The following NAV3 variants were observed in gnomAD, a reference collection of about 807,000 sequenced individuals.
NAV3 encodes neuron navigator 3.
A neutral mutation model predicts 244.7 loss-of-function variants in NAV3; 87 were observed. The observed-to-expected ratio is 0.36, with a 90% CI of 0.30 to 0.42. NAV3 has a LOEUF of 0.42. NAV3 is among the 20% of genes least tolerant of loss of function. The probability of loss-of-function intolerance (pLI) is 1.00; values close to 1 mark genes in which losing one functional copy is unlikely to be tolerated. For missense variants in NAV3, 2,663 were observed against 2,893.3 expected (o/e 0.92, Z 1.83); for synonymous variants, 1,126 against 1,042.2 (o/e 1.08, Z -1.55).
intron 2 of NAV3, among the ~76,000 whole-genome samples, chr12:77,816,238 A>G (rs773956042): frequency 1.2e-4 from 19 of 152,224 alleles, no homozygotes; most frequent in Non-Finnish European, 2.6e-4. Context: ...GGATTAATCC[A>G]TAGTTTCAGA....
At chr12:77,758,466 C>T (rs1040408341) in intron 2 of NAV3, among the ~76,000 whole-genome samples, 2 of 152,084 alleles carry the variant, frequency 1.3e-5, no homozygotes, top group Admixed American at 1.3e-4. Context: ...CATGTTTGGC[C>T]AGAGGAAACA....
intron 1 of NAV3, among the ~76,000 whole-genome samples, chr12:77,840,766 A>T (rs1274668145): frequency 6.6e-6 from 1 of 152,172 alleles, no homozygotes; most frequent in Admixed American, 6.5e-5. Flanking sequence ...TCTCAGAGAG[A>T]TGCTAGGGCA....
At chr12:78,027,684 A>G (rs528939596) in intron 9 of NAV3, among the ~76,000 whole-genome samples, 32 of 152,288 alleles carry the variant, frequency 2.1e-4, no homozygotes, top group African/African-American at 7.5e-4. Flanking sequence ...CAGCCCCTTT[A>G]GCTGCTATGT....
intron 3 of NAV3, among the ~76,000 whole-genome samples, chr12:77,954,180 G>A (rs1891153467): frequency 6.6e-6 from 1 of 152,274 alleles, no homozygotes; most frequent in South Asian, 2.1e-4. Flanking sequence ...CTTATGAAAT[G>A]TGTGGAACAA....
At chr12:77,883,041 A>G (rs1473386042) in intron 1 of NAV3, among the ~76,000 whole-genome samples, 2 of 152,168 alleles carry the variant, frequency 1.3e-5, no homozygotes, top group Non-Finnish European at 2.9e-5. Context: ...TTCTCAAAGA[A>G]CTTAAAACAG....
chr12:77,926,650 A>G (rs1888254628), intron 1 of NAV3, among the ~76,000 whole-genome samples: 1 of 152,228 alleles, frequency 6.6e-6, no homozygotes, highest in Non-Finnish European at 1.5e-5. Flanking sequence ...GTTCTCAAAC[A>G]TTAACACAGT....
chr12:78,198,697 T>A (rs1246903990), intron 36 of NAV3, 21 bp downstream of exon 36: 1 of 1,521,504 alleles, frequency 6.6e-7, no homozygotes, highest in Non-Finnish European at 8.9e-7. Context: ...GTTGAAGGTT[T>A]TTTTGTTTTG....
chr12:77,901,795 G>T (rs1474424027), intron 1 of NAV3, among the ~76,000 whole-genome samples: 1 of 152,156 alleles, frequency 6.6e-6, no homozygotes, highest in African/African-American at 2.4e-5. Context: ...AGTCTCAGCT[G>T]AGCTACTTTG....
intron 38 of NAV3, among the ~76,000 whole-genome samples, chr12:78,201,864 A>T (rs1242679928): frequency 6.6e-6 from 1 of 151,978 alleles, no homozygotes; most frequent in East Asian, 1.9e-4. Context: ...AAAATTGTCC[A>T]TCTATTTTTC....
At chr12:77,909,916 G>A (rs1451454388) in intron 1 of NAV3, among the ~76,000 whole-genome samples, 1 of 152,020 alleles carries the variant, frequency 6.6e-6, no homozygotes, top group African/African-American at 2.4e-5. Context: ...AGAGAACTAA[G>A]ATATGTCATT....
intron 1 of NAV3, among the ~76,000 whole-genome samples, chr12:77,886,143 A>T (rs1883261682): frequency 1.3e-5 from 2 of 152,080 alleles, no homozygotes; most frequent in Admixed American, 6.6e-5. Context: ...AGAAATGTAA[A>T]TCTGACCATT....
chr12:77,869,528 T>C (rs1455723656), intron 1 of NAV3, among the ~76,000 whole-genome samples: 1 of 152,198 alleles, frequency 6.6e-6, no homozygotes, highest in Non-Finnish European at 1.5e-5. Flanking sequence ...GTCTGTTCTC[T>C]TCTCAAGAAT....
At chr12:78,103,470 T>C (rs890607209) in intron 12 of NAV3, among the ~76,000 whole-genome samples, 1 of 152,178 alleles carries the variant, frequency 6.6e-6, no homozygotes, top group South Asian at 2.1e-4. Context: ...CTCCAAATTG[T>C]TCCAGCCTCT....
chr12:77,644,327 A>G (rs543867738), intron 2 of NAV3, among the ~76,000 whole-genome samples: 29 of 152,212 alleles, frequency 1.9e-4, no homozygotes, highest in East Asian at 3.9e-4. Flanking sequence ...GGACAGATAG[A>G]AGTAAATGAA....
chr12:78,148,093 A>G (rs1275473238), intron 21 of NAV3, among the ~76,000 whole-genome samples: 1 of 152,084 alleles, frequency 6.6e-6, no homozygotes, highest in Non-Finnish European at 1.5e-5. Context: ...AACTTAACTA[A>G]AAAGAAAGAT....
chr12:77,995,483 G>C (rs949034911), intron 6 of NAV3, among the ~76,000 whole-genome samples: 2 of 152,138 alleles, frequency 1.3e-5, no homozygotes, highest in African/African-American at 2.4e-5. Context: ...GTTGCTGAAG[G>C]CATGATGGTA....
intron 2 of NAV3, among the ~76,000 whole-genome samples, chr12:77,581,834 A>T (rs1358006280): frequency 6.6e-6 from 1 of 152,162 alleles, no homozygotes; most frequent in African/African-American, 2.4e-5. Context: ...TTTATGGGGT[A>T]CCTACTTATG....
rs150239883 is a variant in NAV3, at chr12:77,620,685, C to T, written c.72+48419C>T. 5.4e-3 allele frequency among the ~76,000 whole-genome samples: 824 copies of T among 152,108 alleles called. 6 individuals carry two copies. The highest frequency in any genetic ancestry group is 0.019 in the African/African-American group (793 of 41,474). ...CCATGTTGTCCAGGCTGGTCTTGAA[C>T]GCCTGACCTCAGGTGATCCACCCCC... is the stretch of plus-strand genomic sequence containing the variant. On this transcript the variant is annotated intron_variant, in intron 2 of 8. Coordinates refer to the NAV3 transcript ENST00000550042.
At chr12:77,868,946 C>A (rs1022725630) in intron 1 of NAV3, among the ~76,000 whole-genome samples, 2 of 151,804 alleles carry the variant, frequency 1.3e-5, no homozygotes, top group Admixed American at 6.6e-5. Flanking sequence ...GCAGCATGCA[C>A]CTGTAGTCCC....
Sources: allele counts gnomAD v4.1 joint callset (sites outside exome capture counted in the v4.1 genomes callset), GRCh38; gene constraint gnomAD v4.1.1; transcripts MANE v1.5; gene names NCBI Gene and HGNC (gene_info 2026-07-23, HGNC 2026-07-21).